The following CSMD1 variants were observed in gnomAD, a reference collection of about 807,000 sequenced individuals.
CSMD1 encodes CUB and Sushi multiple domains 1, also known as CUB and sushi domain-containing protein 1.
CSMD1 carries 213 observed loss-of-function variants against 417.5 expected under a neutral mutation model. The ratio of observed to expected loss-of-function variants is 0.51; its 90% CI spans 0.46 to 0.57. CSMD1 has a LOEUF of 0.57. CSMD1 is among the 20% of genes least tolerant of loss of function. The pLI is 0.00. For synonymous variants in CSMD1, 2,862 were observed against 1,736.8 expected, an observed-to-expected ratio of 1.65 and a Z score of -16.11; for missense variants, 6,923 against 4,529.7, an observed-to-expected ratio of 1.53 and a Z score of -15.17.
chr8:4,461,512 G>A (rs1404532705), intron 2 of CSMD1, among the ~76,000 whole-genome samples: 3 of 137,232 alleles, frequency 2.2e-5, no homozygotes, highest in Admixed American at 7.6e-5. Context: ...AGGTTACAGA[G>A]TAGAAGATGA....
intron 2 of CSMD1, among the ~76,000 whole-genome samples, chr8:4,452,860 T>A (rs35156308): frequency 6.6e-6 from 1 of 152,000 alleles, no homozygotes; most frequent in African/African-American, 2.4e-5. Flanking sequence ...GAGAAGGTGA[T>A]ATAGGAAGGC....
intron 10 of CSMD1, among the ~76,000 whole-genome samples, chr8:3,501,948 A>C (rs76749759): frequency 0.022 from 3,304 of 152,344 alleles, 89 homozygotes; most frequent in East Asian, 0.11. Flanking sequence ...CTACAAAAGA[A>C]CACATACAAC....
intron 10 of CSMD1, among the ~76,000 whole-genome samples, chr8:3,523,072 T>A (rs896746098): frequency 5.3e-5 from 8 of 150,854 alleles, no homozygotes; most frequent in Non-Finnish European, 1.0e-4. Flanking sequence ...AAAATTGAAT[T>A]CAGGTCTCTA....
intron 5 of CSMD1, among the ~76,000 whole-genome samples, chr8:3,817,119 G>A (rs771758625): frequency 1.3e-5 from 2 of 151,960 alleles, no homozygotes; most frequent in East Asian, 1.9e-4. Flanking sequence ...ATCTTATAGA[G>A]AGAGCTCTTC....
chr8:3,948,847 C>T (rs779347424), intron 5 of CSMD1, among the ~76,000 whole-genome samples: 2 of 151,966 alleles, frequency 1.3e-5, no homozygotes, highest in East Asian at 1.9e-4. Context: ...AAGGGGTATC[C>T]AATTTTCAAT....
At chr8:4,819,855 G>C (rs1799419889) in intron 1 of CSMD1, among the ~76,000 whole-genome samples, 1 of 152,246 alleles carries the variant, frequency 6.6e-6, no homozygotes, top group East Asian at 1.9e-4. Context: ...CGAGTGTAGG[G>C]AACCCTTCTC....
At chr8:4,508,159 T>TA (rs57997577) in intron 2 of CSMD1, among the ~76,000 whole-genome samples, 65,429 of 103,156 alleles carry the variant, frequency 0.63, 15,744 homozygotes, top group African/African-American at 0.72. Flanking sequence ...GAAGAGGTAA[T>TA]ATTTTTTTTT....
intron 49 of CSMD1, among the ~76,000 whole-genome samples, chr8:3,075,437 A>T (rs976657282): frequency 1.3e-5 from 2 of 151,678 alleles, no homozygotes; most frequent in Non-Finnish European, 2.9e-5. Flanking sequence ...ATGCACCACC[A>T]TGCCTGGCTA....
intron 3 of CSMD1, among the ~76,000 whole-genome samples, chr8:4,132,835 G>T (rs2680626): frequency 1.3e-5 from 2 of 152,160 alleles, no homozygotes; most frequent in East Asian, 1.9e-4. Flanking sequence ...ATGATAGACA[G>T]TTTGTAGCTC....
At chr8:3,286,976 A>T (rs544194136) in intron 25 of CSMD1, among the ~76,000 whole-genome samples, 4 of 152,118 alleles carry the variant, frequency 2.6e-5, no homozygotes, top group African/African-American at 9.7e-5. Flanking sequence ...TTAAGTCTTT[A>T]ATCCATCTTG....
intron 3 of CSMD1, among the ~76,000 whole-genome samples, chr8:4,219,320 T>G (rs993896265): frequency 1.3e-5 from 2 of 152,244 alleles, no homozygotes; most frequent in Non-Finnish European, 2.9e-5. Flanking sequence ...TCTCAGTAAT[T>G]TCATTCACTT....
At chr8:3,042,912 T>C (rs555898111) in intron 50 of CSMD1, among the ~76,000 whole-genome samples, 1 of 151,876 alleles carries the variant, frequency 6.6e-6, no homozygotes, top group East Asian at 1.9e-4. Context: ...CAGTACAAGG[T>C]CACTATGGTG....
intron 3 of CSMD1, among the ~76,000 whole-genome samples, chr8:4,291,947 G>A (rs989025301): frequency 6.6e-6 from 1 of 152,190 alleles, no homozygotes; most frequent in Non-Finnish European, 1.5e-5. Flanking sequence ...AGCAGGCAGG[G>A]AGCCTGGTGT....
At chr8:4,740,728 G>A (rs1018514604) in intron 1 of CSMD1, among the ~76,000 whole-genome samples, 1 of 152,100 alleles carries the variant, frequency 6.6e-6, no homozygotes, top group African/African-American at 2.4e-5. Context: ...ACTCTAGCAT[G>A]GGCAATAGAG....
At chr8:4,616,486 C>T (rs994119617) in intron 2 of CSMD1, among the ~76,000 whole-genome samples, 2 of 152,172 alleles carry the variant, frequency 1.3e-5, no homozygotes, top group Admixed American at 6.5e-5. Flanking sequence ...AATTATATCT[C>T]CTGCTCACTC....
chr8:4,689,944 C>A (rs760849212), intron 1 of CSMD1, among the ~76,000 whole-genome samples: 1 of 152,156 alleles, frequency 6.6e-6, no homozygotes, highest in East Asian at 1.9e-4. Context: ...ACTTTCTCCC[C>A]TGCAGGAAGT....
intron 3 of CSMD1, among the ~76,000 whole-genome samples, chr8:4,080,590 C>T (rs577123623): frequency 1.3e-5 from 2 of 152,126 alleles, no homozygotes; most frequent in Non-Finnish European, 2.9e-5. Flanking sequence ...TGTATGATGT[C>T]ATAGTTTTTA....
At chr8:3,962,178 G>T (rs528765005) in intron 5 of CSMD1, among the ~76,000 whole-genome samples, 4 of 152,160 alleles carry the variant, frequency 2.6e-5, no homozygotes, top group African/African-American at 4.8e-5. Context: ...CTGCTGAGGT[G>T]GTTTGAATAT....
At chr8:4,575,379 C>G (rs1471218147) in intron 2 of CSMD1, among the ~76,000 whole-genome samples, 6 of 152,114 alleles carry the variant, frequency 3.9e-5, no homozygotes, top group Admixed American at 1.3e-4. Flanking sequence ...GAAAAGGAAG[C>G]TGGATTTTAG....
Sources: allele counts gnomAD v4.1 joint callset (sites outside exome capture counted in the v4.1 genomes callset), GRCh38; gene constraint gnomAD v4.1.1; transcripts MANE v1.5; gene names NCBI Gene and HGNC (gene_info 2026-07-23, HGNC 2026-07-21).